Variants in MACROD2 observed in about 807,000 individuals in gnomAD.
MACROD2 encodes mono-ADP ribosylhydrolase 2, also known as ADP-ribose glycohydrolase MACROD2.
A neutral mutation model predicts 70.4 loss-of-function variants in MACROD2; 36 were observed. The observed-to-expected ratio is 0.51, with a 90% CI of 0.39 to 0.68. The LOEUF (loss-of-function observed/expected upper bound fraction) is 0.68, where lower values mean the gene tolerates loss of function less well. MACROD2 is among the 30% of genes least tolerant of loss of function. The pLI, the probability that MACROD2 is intolerant of heterozygous loss-of-function variation, is 0.00. For synonymous variants in MACROD2, 172 were observed against 178.8 expected (o/e 0.96, Z 0.30); for missense variants, 496 against 538.4 (o/e 0.92, Z 0.78).
chr20:15,807,810 G>A (rs2063782656), intron 8 of MACROD2, among the ~76,000 whole-genome samples: 1 of 152,082 alleles, frequency 6.6e-6, no homozygotes, highest in Non-Finnish European at 1.5e-5. Context: ...GGACCTAAGT[G>A]CATGTAAGGG....
chr20:14,077,902 T>G (rs1019935336), intron 2 of MACROD2, among the ~76,000 whole-genome samples: 1 of 151,164 alleles, frequency 6.6e-6, no homozygotes, highest in East Asian at 1.9e-4. Flanking sequence ...TTCTTTTTTT[T>G]TTTTTTTTTT....
intron 3 of MACROD2, among the ~76,000 whole-genome samples, chr20:14,314,113 T>G (rs1036616350): frequency 6.6e-6 from 1 of 152,236 alleles, no homozygotes; most frequent in Non-Finnish European, 1.5e-5. Flanking sequence ...ACTGGGATTC[T>G]GGAAAGCTCA....
At chr20:14,695,362 C>A (rs940766928) in intron 5 of MACROD2, among the ~76,000 whole-genome samples, 3 of 152,168 alleles carry the variant, frequency 2.0e-5, no homozygotes, top group African/African-American at 7.2e-5. Context: ...CTTATAAGGA[C>A]ACTTGTCACT....
chr20:15,786,565 T>C (rs1323568409), intron 8 of MACROD2, among the ~76,000 whole-genome samples: 1 of 152,166 alleles, frequency 6.6e-6, no homozygotes, highest in Non-Finnish European at 1.5e-5. Flanking sequence ...CAGAATAAGA[T>C]AATACTCCTC....
intron 4 of MACROD2, among the ~76,000 whole-genome samples, chr20:14,507,444 G>T (rs1600316510): frequency 1.3e-5 from 2 of 152,058 alleles, no homozygotes; most frequent in Admixed American, 1.3e-4. Context: ...GGAAGAAGAA[G>T]AATTTCTGGA....
intron 3 of MACROD2, among the ~76,000 whole-genome samples, chr20:14,203,033 G>A (rs1846837054): frequency 6.7e-6 from 1 of 150,272 alleles, no homozygotes; most frequent in Non-Finnish European, 1.5e-5. Context: ...AGCAACAAGA[G>A]CAAAACTCCA....
chr20:14,131,260 A>G (rs1355875141), intron 3 of MACROD2, among the ~76,000 whole-genome samples: 1 of 152,226 alleles, frequency 6.6e-6, no homozygotes, highest in Admixed American at 6.5e-5. Context: ...TGAGAAAACA[A>G]CTGTTTGGGT....
chr20:14,471,586 A>C (rs1432753277), intron 3 of MACROD2, among the ~76,000 whole-genome samples: 1 of 152,200 alleles, frequency 6.6e-6, no homozygotes, highest in Non-Finnish European at 1.5e-5. Context: ...GTTATCATGA[A>C]TTATGGTGCA....
intron 3 of MACROD2, among the ~76,000 whole-genome samples, chr20:14,399,852 T>C (rs2083619249): frequency 6.6e-6 from 1 of 152,166 alleles, no homozygotes; most frequent in Non-Finnish European, 1.5e-5. Flanking sequence ...ATCTAATTTG[T>C]TTTTAGTTCC....
chr20:14,712,574 T>C (rs2071350699), intron 5 of MACROD2, among the ~76,000 whole-genome samples: 1 of 152,168 alleles, frequency 6.6e-6, no homozygotes, highest in African/African-American at 2.4e-5. Context: ...TTTGGCTATT[T>C]TACCACATCT....
intron 8 of MACROD2, among the ~76,000 whole-genome samples, chr20:15,567,863 C>T (rs2048329502): frequency 6.6e-6 from 1 of 152,194 alleles, no homozygotes; most frequent in Non-Finnish European, 1.5e-5. Context: ...GTTATCACTT[C>T]TTCTTGCCTT....
At chr20:14,151,501 A>T (rs1441404699) in intron 3 of MACROD2, among the ~76,000 whole-genome samples, 2 of 152,142 alleles carry the variant, frequency 1.3e-5, no homozygotes, top group East Asian at 3.9e-4. Context: ...TAGAGAAAAG[A>T]TACATTGTTT....
intron 3 of MACROD2, chr20:14,327,222 TA>T (rs770848404): frequency 6.2e-7 from 1 of 1,613,722 alleles, no homozygotes; most frequent in Non-Finnish European, 8.5e-7. Flanking sequence ...GAAATTCATC[TA>T]AACTGTTGTG....
At chr20:15,598,942 C>T (rs2048780836) in intron 8 of MACROD2, among the ~76,000 whole-genome samples, 2 of 152,172 alleles carry the variant, frequency 1.3e-5, no homozygotes, top group African/African-American at 4.8e-5. Flanking sequence ...AATCCTCTCC[C>T]TCTTCTGCAT....
chr20:14,333,347 A>G (rs1392183184), intron 3 of MACROD2, among the ~76,000 whole-genome samples: 1 of 152,188 alleles, frequency 6.6e-6, no homozygotes, highest in African/African-American at 2.4e-5. Flanking sequence ...TTTGACTTGT[A>G]AAGTTAAATC....
At chr20:14,514,600 C>T (rs1306653744) in intron 4 of MACROD2, among the ~76,000 whole-genome samples, 5 of 152,050 alleles carry the variant, frequency 3.3e-5, no homozygotes, top group African/African-American at 4.8e-5. Flanking sequence ...TTTTTTTTAT[C>T]GCAGGTAATG....
intron 5 of MACROD2, among the ~76,000 whole-genome samples, chr20:15,218,014 A>G (rs1017774620): frequency 2.6e-5 from 4 of 152,214 alleles, no homozygotes; most frequent in African/African-American, 9.6e-5. Context: ...TCAGGCCCAA[A>G]ATAGGCAAAG....
At chr20:14,862,005 T>TTA (rs369595827) in intron 5 of MACROD2, among the ~76,000 whole-genome samples, 134 of 11,760 alleles carry the variant, frequency 0.011, 2 homozygotes, top group African/African-American at 0.017. Flanking sequence ...ATATATATAT[T>TTA]TATATATATA....
At chr20:14,366,006 T>A (rs1432259241) in intron 3 of MACROD2, among the ~76,000 whole-genome samples, 3 of 152,184 alleles carry the variant, frequency 2.0e-5, no homozygotes, top group African/African-American at 7.2e-5. Flanking sequence ...TCATGACTTG[T>A]TTAGTGGCTT....
Sources: allele counts gnomAD v4.1 joint callset (sites outside exome capture counted in the v4.1 genomes callset), GRCh38; gene constraint gnomAD v4.1.1; transcripts MANE v1.5; gene names NCBI Gene and HGNC (gene_info 2026-07-23, HGNC 2026-07-21).